CSMD2: variants seen among roughly 807,000 people sequenced by gnomAD.
CSMD2 encodes CUB and Sushi multiple domains 2, also known as CUB and sushi domain-containing protein 2.
Under a neutral mutation model 398.5 loss-of-function variants are expected in CSMD2, and 130 were observed. The ratio of observed to expected loss-of-function variants is 0.33; its 90% CI spans 0.28 to 0.38. The LOEUF (loss-of-function observed/expected upper bound fraction) is 0.38, where lower values mean the gene tolerates loss of function less well. Ranked by LOEUF, CSMD2 falls within the 10% of genes least tolerant of loss-of-function variation. The pLI, the probability that CSMD2 is intolerant of heterozygous loss-of-function variation, is 1.00. For missense variants in CSMD2, 3,829 were observed against 4,764.9 expected (o/e 0.80, Z 5.78); for synonymous variants, 1,828 against 1,908.5 (o/e 0.96, Z 1.10).
At chr1:34,076,131 T>A (rs1213724030) in intron 2 of CSMD2, among the ~76,000 whole-genome samples, 1 of 152,210 alleles carries the variant, frequency 6.6e-6, no homozygotes, top group Non-Finnish European at 1.5e-5. Context: ...CATTGGGAGA[T>A]GAATAGCATC....
At chr1:33,700,251 C>G (rs1019677351) in intron 23 of CSMD2, among the ~76,000 whole-genome samples, 2 of 152,206 alleles carry the variant, frequency 1.3e-5, no homozygotes, top group African/African-American at 4.8e-5. Context: ...TCGTGATCCA[C>G]CCGCCTTGGC....
chr1:34,072,025 A>G, intron 2 of CSMD2, among the ~76,000 whole-genome samples: 1 of 152,196 alleles, frequency 6.6e-6, no homozygotes, highest in Non-Finnish European at 1.5e-5. Flanking sequence ...TCACAAGCAA[A>G]CCAGTGGCCA....
At chr1:33,684,369 G>A (rs1557727064) in intron 25 of CSMD2, among the ~76,000 whole-genome samples, 1 of 152,170 alleles carries the variant, frequency 6.6e-6, no homozygotes, top group Admixed American at 6.5e-5. Flanking sequence ...GCAGAAATCC[G>A]AGTGTCCAGA....
intron 21 of CSMD2, among the ~76,000 whole-genome samples, chr1:33,714,113 C>T (rs768418007): frequency 1.3e-5 from 2 of 152,160 alleles, no homozygotes; most frequent in Non-Finnish European, 2.9e-5. Flanking sequence ...CTTCCTAAGG[C>T]GTCTCTAAGA....
chr1:33,659,852 T>C (rs1644073308), intron 26 of CSMD2, among the ~76,000 whole-genome samples: 1 of 152,276 alleles, frequency 6.6e-6, no homozygotes, highest in African/African-American at 2.4e-5. Flanking sequence ...TATCTGGGCC[T>C]ATGCCTATTT....
intron 3 of CSMD2, among the ~76,000 whole-genome samples, chr1:33,953,139 C>G (rs1053913321): frequency 6.6e-6 from 1 of 152,176 alleles, no homozygotes; most frequent in East Asian, 1.9e-4. Flanking sequence ...CCAGGCTTAG[C>G]CCATAAAAAC....
At position 33,630,065 on chromosome 1, in the gene CSMD2, T is replaced by TCTTC. The variant is rs562242200; in HGVS notation, c.5200+3353_5200+3356dup. ...ACTCTCTCATCTTCCTCCCCCATCT[T>TCTTC]CTTCCTTCCTTCCTTCCTTCCTTCC... On this transcript the variant is annotated intron_variant, in intron 32 of 70. Coordinates refer to ENST00000373381, the MANE Select transcript of CSMD2 (RefSeq NM_001281956.2). Among the ~76,000 whole-genome samples the TCTTC allele has an allele frequency of 1.7e-3, 260 of 151,150 alleles. 3 individuals are homozygous for TCTTC. Among genetic ancestry groups the TCTTC allele is most frequent in the African/African-American group, 3.9e-3 (163 of 41,296 alleles).
At chr1:33,562,663 T>C (rs1658681435) in intron 53 of CSMD2, among the ~76,000 whole-genome samples, 1 of 152,216 alleles carries the variant, frequency 6.6e-6, no homozygotes, top group South Asian at 2.1e-4. Flanking sequence ...CACATTATTC[T>C]AGATGTTTCT....
At chr1:33,664,671 C>A (rs1042083558) in intron 25 of CSMD2, among the ~76,000 whole-genome samples, 1 of 151,890 alleles carries the variant, frequency 6.6e-6, no homozygotes, top group Non-Finnish European at 1.5e-5. Flanking sequence ...GGCGAGGTGG[C>A]GGGCGCCTGT....
intron 1 of CSMD2, among the ~76,000 whole-genome samples, chr1:34,151,642 A>G (rs1640329762): frequency 6.6e-6 from 1 of 152,136 alleles, no homozygotes; most frequent in South Asian, 2.1e-4. Context: ...AGGCGGAAGG[A>G]ACAAAAGGTT....
At position 33,603,220 on chromosome 1, in the gene CSMD2, A is replaced by T. The variant is rs183643715; in HGVS notation, c.6533-674T>A. Among the ~76,000 whole-genome samples, 68 of 152,274 alleles carry T rather than the reference A, an allele frequency of 4.5e-4. 1 individual carries two copies. The highest frequency in any genetic ancestry group is 1.1e-3 in the Admixed American group (17 of 15,296). On this transcript the variant is annotated intron_variant, in intron 42 of 70. Transcript: ENST00000373381. ...GGCCCTGGAAGAGGACGCATTTGCTATGTAGATAAGATCCTCTCTCCTTAT... is the reference window on the plus strand; with the variant it reads ...GGCCCTGGAAGAGGACGCATTTGCTTTGTAGATAAGATCCTCTCTCCTTAT...
chr1:33,990,657 G>A (rs1646520988), intron 3 of CSMD2, among the ~76,000 whole-genome samples: 1 of 152,146 alleles, frequency 6.6e-6, no homozygotes, highest in Non-Finnish European at 1.5e-5. Flanking sequence ...TCTTCTATCA[G>A]ACCTATCTTG....
At chr1:33,619,686 T>G (rs1399962430) in intron 37 of CSMD2, among the ~76,000 whole-genome samples, 1 of 152,188 alleles carries the variant, frequency 6.6e-6, no homozygotes, top group African/African-American at 2.4e-5. Flanking sequence ...CTCTGGAAAT[T>G]CCTCACACTT....
intron 3 of CSMD2, among the ~76,000 whole-genome samples, chr1:33,977,937 G>T (rs1646028047): frequency 6.6e-6 from 1 of 152,032 alleles, no homozygotes; most frequent in South Asian, 2.1e-4. Flanking sequence ...CCCGGTCGGG[G>T]CTGACACGAT....
At chr1:33,977,149 G>A (rs1353438184) in intron 3 of CSMD2, among the ~76,000 whole-genome samples, 1 of 152,068 alleles carries the variant, frequency 6.6e-6, no homozygotes, top group Non-Finnish European at 1.5e-5. Flanking sequence ...ATCCTGTCCA[G>A]GGTGCTGGAG....
At chr1:34,151,094 C>T (rs779878180) in intron 1 of CSMD2, among the ~76,000 whole-genome samples, 9 of 152,280 alleles carry the variant, frequency 5.9e-5, no homozygotes, top group African/African-American at 2.2e-4. Flanking sequence ...CTCCTTCAAC[C>T]GAATCCCTGC....
At chr1:33,545,947 GT>G in intron 57 of CSMD2, 89 bp downstream of exon 57, 1 of 1,301,944 alleles carries the variant, frequency 7.7e-7, no homozygotes, top group Non-Finnish European at 1.1e-6. Flanking sequence ...GTTTTTTTCT[GT>G]GAGCGCAGGT....
chr1:33,847,088 C>G lies in CSMD2; in HGVS notation c.921-92G>C, dbSNP rs190275310. The G allele has an allele frequency of 1.6e-3, 1,255 of 790,756 alleles. 1 individual carries two copies. The highest frequency in any genetic ancestry group is 2.3e-3 in the Non-Finnish European group (1,153 of 497,744). The allele number at this position is 790,756 out of a possible 1,614,324, so 49.0% of individuals were successfully genotyped here. A position where few individuals can be genotyped will look rare whatever the true frequency, so the allele number is the denominator to read the frequency against. ...GGAGTTCCTCCACTTCCCTTGAGTG[C>G]CAAGGCCTCAGCCCAGCTCTGGAGC... is the stretch of plus-strand genomic sequence containing the variant. On this transcript the variant is annotated intron_variant, in intron 5 of 70. Coordinates refer to ENST00000373381, the MANE Select transcript of CSMD2 (RefSeq NM_001281956.2).
chr1:34,119,385 A>T (rs1363848784), intron 1 of CSMD2, among the ~76,000 whole-genome samples: 1 of 152,250 alleles, frequency 6.6e-6, no homozygotes, highest in African/African-American at 2.4e-5. Flanking sequence ...ATATGACAAC[A>T]CAAGCACAGG....
Sources: gnomAD v4.1 joint callset for allele counts (sites outside exome capture counted in the v4.1 genomes callset) on GRCh38, gnomAD v4.1.1 for gene constraint, MANE v1.5 for transcripts, NCBI Gene and HGNC (gene_info 2026-07-23, HGNC 2026-07-21) for gene names.